KLHL13: variants seen among roughly 807,000 people sequenced by gnomAD.
The protein encoded by KLHL13 is kelch like family member 13.
KLHL13 carries 10 observed loss-of-function variants against 37.1 expected under a neutral mutation model. The ratio of observed to expected loss-of-function variants is 0.27; its 90% confidence interval spans 0.17 to 0.46. The LOEUF is 0.46. Ranked by LOEUF, KLHL13 falls within the 20% of genes least tolerant of loss-of-function variation. The probability of loss-of-function intolerance (pLI) is 1.00; values close to 1 mark genes in which losing one functional copy is unlikely to be tolerated. For synonymous variants in KLHL13, 163 were observed against 181.2 expected (o/e 0.90, Z 0.81); for missense variants, 360 against 509.3 (o/e 0.71, Z 2.82).
chrX:118,048,928 C>A (rs1209176765), intron 1 of KLHL13, among the ~76,000 whole-genome samples: 5 of 111,856 alleles, frequency 4.5e-5, no homozygotes, highest in Non-Finnish European at 9.4e-5. Flanking sequence ...AGATATCTTG[C>A]ATAAGTTCAA....
intron 1 of KLHL13, among the ~76,000 whole-genome samples, chrX:118,062,989 T>C (rs897651231): frequency 2.7e-5 from 3 of 111,632 alleles, no homozygotes; most frequent in Non-Finnish European, 5.7e-5. Flanking sequence ...AATAGAGAAG[T>C]GGTTTATAAG....
chrX:118,098,159 A>T (rs1239287386), intron 1 of KLHL13, among the ~76,000 whole-genome samples: 1 of 112,099 alleles, frequency 8.9e-6, no homozygotes, highest in Admixed American at 9.5e-5. Flanking sequence ...AGAATGGGAG[A>T]AAATTTTTGC....
At chrX:118,027,153 T>C (rs1363704324) in intron 1 of KLHL13, among the ~76,000 whole-genome samples, 1 of 111,674 alleles carries the variant, frequency 9.0e-6, no homozygotes, top group Non-Finnish European at 1.9e-5. Context: ...TATGAGAGTG[T>C]TTTGAGAAAG....
At position 118,068,867 on chromosome X, in the gene KLHL13, C is replaced by T. The variant is rs6646062; in HGVS notation, c.-56+47641G>A. 7.0e-3 allele frequency among the ~76,000 whole-genome samples: 775 copies of T among 110,807 alleles called. 7 individuals carry two copies. Among genetic ancestry groups the T allele is most frequent in the African/African-American group, 0.022 (671 of 30,444 alleles). On this transcript the variant is annotated intron_variant, in intron 1 of 6. Transcript: ENST00000371882. ...GTCCAGCTGTGAACAACTGTCCCTT[C>T]CCTGTGGGGCCAAGAAATGGTGGAA...
intron 1 of KLHL13, among the ~76,000 whole-genome samples, chrX:118,010,300 T>C (rs1229714041): frequency 3.5e-5 from 2 of 56,685 alleles, no homozygotes; most frequent in Non-Finnish European, 6.5e-5. Context: ...CGTATGTTTA[T>C]TGCGGCATTA....
At chrX:118,080,021 G>T (rs908114416) in intron 1 of KLHL13, among the ~76,000 whole-genome samples, 1 of 111,358 alleles carries the variant, frequency 9.0e-6, no homozygotes, top group Non-Finnish European at 1.9e-5. Context: ...ACAAATACAA[G>T]CAACGGGATA....
chrX:118,115,057 G>C (rs2055452952), intron 1 of KLHL13, among the ~76,000 whole-genome samples: 1 of 112,148 alleles, frequency 8.9e-6, no homozygotes, highest in Non-Finnish European at 1.9e-5. Context: ...GGCAACACTT[G>C]GTCATACATC....
At chrX:118,053,181 G>A (rs1393540468) in intron 1 of KLHL13, among the ~76,000 whole-genome samples, 6 of 111,897 alleles carry the variant, frequency 5.4e-5, no homozygotes, top group South Asian at 3.8e-4. Flanking sequence ...CTATAAAGAC[G>A]CATGCACACG....
chrX:117,910,970 C>G (rs925712147), intron 4 of KLHL13, among the ~76,000 whole-genome samples: 1 of 111,624 alleles, frequency 9.0e-6, no homozygotes, highest in Non-Finnish European at 1.9e-5. Context: ...GGCCTTTCCT[C>G]AGTAGAACCT....
chrX:118,099,855 AAAGG>A (rs1187630185), intron 1 of KLHL13, among the ~76,000 whole-genome samples: 2 of 101,356 alleles, frequency 2.0e-5, no homozygotes, highest in Non-Finnish European at 4.0e-5. Flanking sequence ...AGGAAAGAAG[AAAGG>A]AAGGAAGGAA....
intron 2 of KLHL13, among the ~76,000 whole-genome samples, chrX:117,937,825 A>T (rs1356014810): frequency 1.8e-5 from 2 of 112,047 alleles, no homozygotes; most frequent in African/African-American, 3.2e-5. Flanking sequence ...ATGCAATGAT[A>T]TCCAGAGTCA....
intron 1 of KLHL13, among the ~76,000 whole-genome samples, chrX:118,103,750 G>C (rs2055314364): frequency 9.0e-6 from 1 of 110,795 alleles, no homozygotes; most frequent in Admixed American, 9.7e-5. Flanking sequence ...AACACACACA[G>C]AGATATTTGG....
intron 1 of KLHL13, among the ~76,000 whole-genome samples, chrX:118,100,549 C>A (rs893965359): frequency 2.7e-5 from 3 of 111,377 alleles, no homozygotes; most frequent in Non-Finnish European, 5.6e-5. Context: ...TAAATTGGCA[C>A]ATTAGACAAT....
chrX:117,966,234 G>A (rs773963700), intron 1 of KLHL13, among the ~76,000 whole-genome samples: 2 of 111,689 alleles, frequency 1.8e-5, no homozygotes, highest in African/African-American at 6.5e-5. Flanking sequence ...AAATCAATGT[G>A]CAAAAATCAC....
At chrX:118,089,017 T>C (rs747222574) in intron 1 of KLHL13, among the ~76,000 whole-genome samples, 36 of 111,231 alleles carry the variant, frequency 3.2e-4, no homozygotes, top group African/African-American at 1.2e-3. Flanking sequence ...AAAAGTCTGC[T>C]CTCTCTAGCC....
intron 1 of KLHL13, among the ~76,000 whole-genome samples, chrX:118,025,465 G>A (rs924223270): frequency 4.5e-5 from 5 of 111,589 alleles, no homozygotes; most frequent in African/African-American, 9.8e-5. Flanking sequence ...ACCCACCCAT[G>A]AGTCACTTAG....
chrX:118,112,459 TAATAGGACCTGGAATTTGA>T (rs769059266), intron 1 of KLHL13, among the ~76,000 whole-genome samples: 2 of 110,785 alleles, frequency 1.8e-5, no homozygotes, highest in African/African-American at 3.3e-5. Context: ...GGGAATAGTG[TAATAGGACCTGGAATTTGA>T]AATGACAAAA....
chrX:118,003,108 C>T (rs2053943326), intron 1 of KLHL13, among the ~76,000 whole-genome samples: 1 of 112,716 alleles, frequency 8.9e-6, no homozygotes, highest in Non-Finnish European at 1.9e-5. Flanking sequence ...ATGTGAAGAG[C>T]TTTCTATGCC....
At chrX:117,898,051 C>T (rs770948659) in exon 7 of KLHL13, 17 of 111,742 alleles carry the variant, frequency 1.5e-4, no homozygotes, top group Non-Finnish European at 2.8e-4. Flanking sequence ...ATTTCTAGCC[C>T]TTATCCACCT....
Sources: allele counts gnomAD v4.1 joint callset (sites outside exome capture counted in the v4.1 genomes callset), GRCh38; gene constraint gnomAD v4.1.1; transcripts MANE v1.5; gene names NCBI Gene and HGNC (gene_info 2026-07-23, HGNC 2026-07-21).